The following TMEM117 variants were observed in gnomAD, a reference collection of about 807,000 sequenced individuals.
TMEM117 encodes transmembrane protein 117.
Under a neutral mutation model 52.4 loss-of-function variants are expected in TMEM117, and 27 were observed. The observed-to-expected ratio is 0.51, with a 90% CI of 0.38 to 0.71. The LOEUF is 0.71. Among genes scored for constraint, TMEM117 ranks in the 30% least tolerant of loss-of-function variants. TMEM117 has a pLI of 0.00. For missense variants in TMEM117, 556 were observed against 630.5 expected, an observed-to-expected ratio of 0.88 and a Z score of 1.26; for synonymous variants, 215 against 206.3, an observed-to-expected ratio of 1.04 and a Z score of -0.36.
chr12:44,117,984 T>G (rs2138128896), intron 3 of TMEM117, among the ~76,000 whole-genome samples: 1 of 152,202 alleles, frequency 6.6e-6, no homozygotes, highest in African/African-American at 2.4e-5. Flanking sequence ...ATTAATATCA[T>G]CTATCTAAAT....
chr12:44,054,993 T>C (rs188115556), intron 3 of TMEM117, among the ~76,000 whole-genome samples: 88 of 152,260 alleles, frequency 5.8e-4, no homozygotes, highest in African/African-American at 1.9e-3. Flanking sequence ...GCCACGGCCA[T>C]AAACTCACCT....
chr12:44,179,298 T>G (rs1949158329), intron 4 of TMEM117, among the ~76,000 whole-genome samples: 1 of 152,102 alleles, frequency 6.6e-6, no homozygotes, highest in Non-Finnish European at 1.5e-5. Flanking sequence ...CAAAGTCCCA[T>G]CATAAGTCAT....
chr12:44,168,898 A>G (rs1245967125), intron 4 of TMEM117, among the ~76,000 whole-genome samples: 1 of 152,044 alleles, frequency 6.6e-6, no homozygotes. Context: ...CTAGCATTCT[A>G]CTTTCCATCT....
intron 7 of TMEM117, among the ~76,000 whole-genome samples, chr12:44,381,620 C>T (rs1234261840): frequency 2.0e-5 from 3 of 152,198 alleles, no homozygotes; most frequent in Middle Eastern, 3.4e-3. Flanking sequence ...ATGATGCCCA[C>T]GGGAACCCTT....
At chr12:44,337,856 A>G (rs1201506976) in intron 6 of TMEM117, among the ~76,000 whole-genome samples, 2 of 152,116 alleles carry the variant, frequency 1.3e-5, no homozygotes, top group Non-Finnish European at 2.9e-5. Flanking sequence ...TCAAGTGCTG[A>G]TGAAGAAAAA....
Position 44,389,048 on chromosome 12 carries a change from CA to C in TMEM117, c.*377del. 1.1e-5 allele frequency: 2 copies of C among 183,256 alleles called. No homozygotes were observed. Among genetic ancestry groups the C allele is most frequent in the Non-Finnish European group, 2.3e-5 (2 of 85,276 alleles). 11.4% of individuals were successfully genotyped at this position (183,256 alleles called of 1,614,324 possible). On this transcript the variant is annotated 3_prime_UTR_variant, in exon 8 of 8. Transcript: ENST00000266534. ...TGTGGAACAGTTACCTAACCTATTT[CA>C]CATGGGCGTTTTGTATACAACTATT... is the stretch of plus-strand genomic sequence containing the variant.
chr12:43,914,350 A>G (rs10748378), intron 2 of TMEM117, among the ~76,000 whole-genome samples: 108,665 of 151,694 alleles, frequency 0.72, 42,023 homozygotes, highest in East Asian at 0.87. Flanking sequence ...AGCTCTAATG[A>G]ACCCGCTCCT....
chr12:43,844,299 C>T (rs1258848965), intron 1 of TMEM117, among the ~76,000 whole-genome samples: 1 of 152,226 alleles, frequency 6.6e-6, no homozygotes, highest in Non-Finnish European at 1.5e-5. Flanking sequence ...CTCTGCATTT[C>T]CGCCTGGGAG....
At chr12:44,090,839 G>GTGTTTTTTTT (rs1947655828) in intron 3 of TMEM117, among the ~76,000 whole-genome samples, 1 of 104,802 alleles carries the variant, frequency 9.5e-6, no homozygotes, top group South Asian at 2.9e-4. Flanking sequence ...GTATTTATGT[G>GTGTTTTTTTT]TTTTTTTTTG....
upstream of TMEM117, among the ~76,000 whole-genome samples, chr12:43,835,715 C>A (rs549330039): frequency 6.6e-6 from 1 of 152,140 alleles, no homozygotes; most frequent in Non-Finnish European, 1.5e-5. Context: ...CAGCCGCCCC[C>A]CAACCCCCAC....
At chr12:43,879,893 C>T (rs2137447681) in intron 2 of TMEM117, among the ~76,000 whole-genome samples, 1 of 152,116 alleles carries the variant, frequency 6.6e-6, no homozygotes, top group South Asian at 2.1e-4. Flanking sequence ...TTCACTTGAG[C>T]AAGATTGAAA....
chr12:44,090,839 GTTTTTTTTTGTT>G (rs1947656592), intron 3 of TMEM117, among the ~76,000 whole-genome samples: 4 of 104,800 alleles, frequency 3.8e-5, no homozygotes, highest in Non-Finnish European at 5.6e-5. Flanking sequence ...GTATTTATGT[GTTTTTTTTTGTT>G]TTTTTTTTTT....
At chr12:44,200,299 A>C (rs1426395875) in intron 4 of TMEM117, among the ~76,000 whole-genome samples, 1 of 152,154 alleles carries the variant, frequency 6.6e-6, no homozygotes, top group East Asian at 1.9e-4. Context: ...CTTCAAAATT[A>C]TCTCTCAAAA....
intron 5 of TMEM117, among the ~76,000 whole-genome samples, chr12:44,243,041 C>T (rs904077486): frequency 7.9e-5 from 12 of 152,052 alleles, no homozygotes; most frequent in East Asian, 3.9e-4. Flanking sequence ...TTGTTGGCCA[C>T]ATGTATGTCT....
Position 44,348,400 on chromosome 12 carries a change from A to G in TMEM117, c.769-28195A>G, listed in dbSNP as rs372020197. The stretch of plus-strand genomic sequence containing the variant: ...TTTTATTATTTTGACCCTTCCTGCC[A>G]TCATCACCCTTTACCCCAAGGTACC... On this transcript the variant is annotated intron_variant, in intron 6 of 7. Coordinates refer to ENST00000266534, the MANE Select transcript of TMEM117 (RefSeq NM_032256.3). Among the ~76,000 whole-genome samples the G allele has an allele frequency of 2.0e-4, 30 of 151,948 alleles. No individual in the cohort carries two copies. In the South Asian group the frequency reaches 6.0e-3, roughly 30 times the overall value.
At chr12:44,199,296 A>G (rs1187819761) in intron 4 of TMEM117, among the ~76,000 whole-genome samples, 1 of 152,208 alleles carries the variant, frequency 6.6e-6, no homozygotes, top group African/African-American at 2.4e-5. Flanking sequence ...GAAATTCAGT[A>G]TCTTTCCATC....
chr12:44,248,185 A>T (rs944913181), intron 5 of TMEM117, among the ~76,000 whole-genome samples: 6 of 152,058 alleles, frequency 3.9e-5, no homozygotes, highest in Non-Finnish European at 8.8e-5. Context: ...CAGATGGGTG[A>T]ATTTCTGGAG....
rs772723532 is a variant in TMEM117 at position 44,388,667 on chromosome 12, A to G, written c.1540A>G (p.Asn514Asp). 1 of 1,612,620 alleles carries G rather than the reference A, an allele frequency of 6.2e-7. No individual in the cohort carries two copies. Among genetic ancestry groups the G allele is most frequent in the Non-Finnish European group, 8.5e-7 (1 of 1,179,044 alleles). ...AACGACTTCTAAAAGTACACCTACG[A>G]ACTAGACTCGGAGATAGACTTGGAG... ...DPTTSKSTPTN is the reference protein window; with the variant it reads ...DPTTSKSTPTD Residue 514 changes from asparagine to aspartate, a missense_variant, in exon 8 of 8, where the codon AAC becomes GAC. Asn to Asp is a conservative substitution (Grantham distance 23). Transcript: ENST00000266534.
intron 4 of TMEM117, among the ~76,000 whole-genome samples, chr12:44,164,924 A>G (rs2138264633): frequency 6.6e-6 from 1 of 152,308 alleles, no homozygotes; most frequent in Middle Eastern, 3.4e-3. Context: ...TGTGTTGGGA[A>G]CAGCTCAAAT....
Sources: allele counts gnomAD v4.1 joint callset (sites outside exome capture counted in the v4.1 genomes callset), GRCh38; gene constraint gnomAD v4.1.1; transcripts MANE v1.5; gene names NCBI Gene and HGNC (gene_info 2026-07-23, HGNC 2026-07-21).